The following LYPD6 variants were observed in gnomAD, a reference collection of about 807,000 sequenced individuals.
LYPD6 encodes the protein ly6/PLAUR domain-containing protein 6.
In LYPD6, 15 loss-of-function variants were observed where a neutral mutation model predicts 22.7. The ratio of observed to expected loss-of-function variants is 0.66; its 90% confidence interval spans 0.44 to 1.02. The LOEUF is 1.02. LYPD6 is among the 50% of genes least tolerant of loss of function. The pLI, the probability that LYPD6 is intolerant of heterozygous loss-of-function variation, is 0.00. For missense variants in LYPD6, 189 were observed against 208.4 expected (o/e 0.91, Z 0.57); for synonymous variants, 72 against 77.5 (o/e 0.93, Z 0.37).
At position 149,381,923 on chromosome 2, in the gene LYPD6, A is replaced by C. The variant is rs181215719; in HGVS notation, c.-72+51201A>C. 7.3e-4 allele frequency among the ~76,000 whole-genome samples: 111 copies of C among 152,304 alleles called. 1 individual carries two copies. Among genetic ancestry groups the C allele is most frequent in the African/African-American group, 2.5e-3 (103 of 41,572 alleles). On this transcript the variant is annotated intron_variant, in intron 1 of 4. Transcript: ENST00000334166. ...TGACTGTTAATTCGTGATGATTTCC[A>C]GGTCTGAATGTACTCATAGGATCTC...
At chr2:149,476,742 C>T (rs915555350), downstream of LYPD6, among the ~76,000 whole-genome samples, 1 of 152,182 alleles carries the variant, frequency 6.6e-6, no homozygotes, top group Non-Finnish European at 1.5e-5. Context: ...TACAGAGGAG[C>T]GTGACTGTTT....
chr2:149,393,597 G>A (rs1021585186), intron 1 of LYPD6, among the ~76,000 whole-genome samples: 3 of 152,194 alleles, frequency 2.0e-5, no homozygotes, highest in African/African-American at 4.8e-5. Flanking sequence ...TGAGCCAAGC[G>A]TGGTCCTCCT....
At chr2:149,365,718 A>G (rs932545462) in intron 1 of LYPD6, among the ~76,000 whole-genome samples, 3 of 152,236 alleles carry the variant, frequency 2.0e-5, no homozygotes, top group South Asian at 2.1e-4. Flanking sequence ...AAGAACAGCT[A>G]CTACACTTGA....
chr2:149,410,282 T>A (rs1318009709), intron 1 of LYPD6, among the ~76,000 whole-genome samples: 1 of 152,238 alleles, frequency 6.6e-6, no homozygotes, highest in Non-Finnish European at 1.5e-5. Context: ...GATACATTTT[T>A]AGTTGTTTTT....
intron 1 of LYPD6, among the ~76,000 whole-genome samples, chr2:149,337,090 T>C (rs1403739999): frequency 6.6e-6 from 1 of 152,202 alleles, no homozygotes; most frequent in African/African-American, 2.4e-5. Flanking sequence ...AACAAAGTTA[T>C]AGAAGCATTG....
intron 1 of LYPD6, among the ~76,000 whole-genome samples, chr2:149,338,729 C>A (rs1018312040): frequency 1.3e-5 from 2 of 152,120 alleles, no homozygotes; most frequent in African/African-American, 2.4e-5. Context: ...TTTATTATAG[C>A]AGCCTGATGG....
intron 1 of LYPD6, among the ~76,000 whole-genome samples, chr2:149,364,127 G>A (rs1187115456): frequency 6.6e-6 from 1 of 152,198 alleles, no homozygotes; most frequent in East Asian, 1.9e-4. Context: ...TGAGTGAACA[G>A]TTAATCTCTT....
At chr2:149,337,645 A>T (rs989545458) in intron 1 of LYPD6, among the ~76,000 whole-genome samples, 1 of 152,016 alleles carries the variant, frequency 6.6e-6, no homozygotes, top group Non-Finnish European at 1.5e-5. Context: ...AAAAAAACTT[A>T]TATTTTAGGT....
Position 149,378,947 on chromosome 2 carries a change from C to G in LYPD6, c.-72+48225C>G, listed in dbSNP as rs116174968. Among the ~76,000 whole-genome samples the G allele has an allele frequency of 7.1e-3, 1,077 of 152,302 alleles. 10 individuals are homozygous for G. The highest frequency in any genetic ancestry group is 0.023 in the South Asian group (110 of 4,826). On this transcript the variant is annotated intron_variant, in intron 1 of 4. Coordinates refer to ENST00000334166, the MANE Select transcript of LYPD6 (RefSeq NM_194317.5). ...ACAAAAAGTACTGGTTGTCAAATGT[C>G]AAAGTAACTGACATTTAACAGAGAG...
Position 149,471,063 on chromosome 2 carries a change from A to T in LYPD6, c.*213A>T. 2.2e-6 allele frequency: 1 copy of T among 445,604 alleles called. No homozygotes were observed. Among genetic ancestry groups the T allele is most frequent in the Admixed American group, 3.5e-5 (1 of 28,288 alleles). 27.6% of individuals were successfully genotyped at this position (445,604 alleles called of 1,614,324 possible). A position where few individuals can be genotyped will look rare whatever the true frequency, so the allele number is the denominator to read the frequency against. On this transcript the variant is annotated 3_prime_UTR_variant, in exon 5 of 5. Coordinates refer to ENST00000334166, the MANE Select transcript of LYPD6 (RefSeq NM_194317.5). ...CCGAGACTCATCAAAGCCTTCTGTCAGTACAGCCCAAGTTCCATACCATAA... is the reference window on the plus strand; with the variant it reads ...CCGAGACTCATCAAAGCCTTCTGTCTGTACAGCCCAAGTTCCATACCATAA...
intron 1 of LYPD6, among the ~76,000 whole-genome samples, chr2:149,376,454 A>T (rs1401315619): frequency 1.3e-5 from 2 of 151,892 alleles, no homozygotes; most frequent in African/African-American, 2.4e-5. Context: ...GTTTGGAAAA[A>T]CCACTGCTTG....
intron 1 of LYPD6, among the ~76,000 whole-genome samples, chr2:149,351,126 G>A (rs185793826): frequency 1.5e-3 from 225 of 152,244 alleles, no homozygotes; most frequent in Non-Finnish European, 2.4e-3. Flanking sequence ...TGGGTATGGT[G>A]GCTCACGCCT....
chr2:149,481,387 C>T, the LYPD6 span, among the ~76,000 whole-genome samples: 1 of 152,320 alleles, frequency 6.6e-6, no homozygotes, highest in Admixed American at 6.5e-5. Flanking sequence ...ATTGTTAAAG[C>T]TCTTTCACAA....
intron 1 of LYPD6, among the ~76,000 whole-genome samples, chr2:149,332,492 A>G (rs556109838): frequency 4.6e-5 from 7 of 152,234 alleles, no homozygotes; most frequent in Non-Finnish European, 1.0e-4. Flanking sequence ...GATAGTTTAT[A>G]TGGCATATTG....
At chr2:149,364,085 G>A (rs1247049631) in intron 1 of LYPD6, among the ~76,000 whole-genome samples, 1 of 152,080 alleles carries the variant, frequency 6.6e-6, no homozygotes, top group Non-Finnish European at 1.5e-5. Flanking sequence ...TAGAAGATTT[G>A]CAATGATTTC....
At chr2:149,427,835 A>G (rs1683218684) in intron 1 of LYPD6, among the ~76,000 whole-genome samples, 1 of 152,226 alleles carries the variant, frequency 6.6e-6, no homozygotes, top group African/African-American at 2.4e-5. Flanking sequence ...TTGTTAAATG[A>G]TGTATGATTG....
At chr2:149,448,026 GCTCATACCT>G (rs1379097214) in intron 2 of LYPD6, among the ~76,000 whole-genome samples, 1 of 152,212 alleles carries the variant, frequency 6.6e-6, no homozygotes, top group African/African-American at 2.4e-5. Context: ...GGGTGTGGTG[GCTCATACCT>G]GTAATCCCAG....
In LYPD6 at chr2:149,360,504, G is replaced by A. The variant is rs372522985; in HGVS notation, c.-72+29782G>A. 5.9e-5 allele frequency among the ~76,000 whole-genome samples: 9 copies of A among 152,200 alleles called. No individual in the cohort carries two copies. The East Asian group carries it at 9.6e-4, about 16-fold the overall frequency. ...ATCAATTTTGTCTCCATCTTATACA[G>A]TATTCAGCTAGTCATCGAGTCCTGT... On this transcript the variant is annotated intron_variant, in intron 1 of 4. Transcript: ENST00000334166.
At chr2:149,479,114 A>G (rs1681484001), downstream of LYPD6, among the ~76,000 whole-genome samples, 1 of 152,124 alleles carries the variant, frequency 6.6e-6, no homozygotes, top group African/African-American at 2.4e-5. Flanking sequence ...TCAGCCCAAC[A>G]GTCACTTCTC....
Sources: gnomAD v4.1 joint callset for allele counts (sites outside exome capture counted in the v4.1 genomes callset) on GRCh38, gnomAD v4.1.1 for gene constraint, MANE v1.5 for transcripts, NCBI Gene and HGNC (gene_info 2026-07-23, HGNC 2026-07-21) for gene names.